KNL1: variants seen among roughly 807,000 people sequenced by gnomAD.
KNL1 encodes outer kinetochore KNL1 complex subunit KNL1.
Under a neutral mutation model 201.3 loss-of-function variants are expected in KNL1, and 66 were observed. The ratio of observed to expected loss-of-function variants is 0.33; its 90% CI spans 0.27 to 0.40. The LOEUF (loss-of-function observed/expected upper bound fraction) is 0.40, where lower values mean the gene tolerates loss of function less well. Among genes scored for constraint, KNL1 ranks in the 10% least tolerant of loss-of-function variants. The pLI is 1.00. For missense variants in KNL1, 2,815 were observed against 2,690.5 expected (o/e 1.05, Z -1.02); for synonymous variants, 895 against 899.2 (o/e 1.00, Z 0.08).
chr15:40,611,679 GT>G (rs1441186248), intron 7 of KNL1, among the ~76,000 whole-genome samples, 168 bp downstream of exon 7: 15 of 151,704 alleles, frequency 9.9e-5, no homozygotes, highest in Admixed American at 1.3e-4. Flanking sequence ...ACTGTTTATA[GT>G]TTTAATAGTG....
chr15:40,656,544 A>G (rs553296099), intron 22 of KNL1, among the ~76,000 whole-genome samples: 2 of 152,308 alleles, frequency 1.3e-5, no homozygotes, highest in South Asian at 4.1e-4. Context: ...TTTTGTAGAA[A>G]TGTCCTATCT....
At chr15:40,610,650 A>G in intron 6 of KNL1, 1 of 428,564 alleles carries the variant, frequency 2.3e-6, no homozygotes, top group South Asian at 1.8e-5. Flanking sequence ...TGATTGCACC[A>G]GTGCACTCCA....
chr15:40,630,783 T>C (rs2141733750), intron 13 of KNL1, among the ~76,000 whole-genome samples: 1 of 152,064 alleles, frequency 6.6e-6, no homozygotes, highest in East Asian at 1.9e-4. Context: ...TTATGATGAG[T>C]TGTATAATTA....
chr15:40,628,762 G>A, intron 12 of KNL1, 84 bp downstream of exon 12: 1 of 865,634 alleles, frequency 1.2e-6, no homozygotes, highest in South Asian at 2.0e-5. Context: ...AATATTCTTG[G>A]TTTAAAAAAT....
At position 40,622,865 on chromosome 15, in the gene KNL1, C is replaced by T. The variant is rs762041719; in HGVS notation, c.2601C>T (p.Asp867=). ...ATAAGACTATTGTATTTTCAGAAGA[C>T]GATAAGAATGATATGGATATCACTA... is the stretch of plus-strand genomic sequence containing the variant. The part of the protein sequence containing the change: ...KIDKTIVFSE[D]DKNDMDITKS... The change falls in exon 10 of 26, where the codon GAC becomes GAT. Residue 867 remains aspartate (D), a synonymous_variant. Transcript: ENST00000399668. 2.0e-5 allele frequency: 33 copies of T among 1,612,838 alleles called. No individual in the cohort carries two copies. Among genetic ancestry groups the T allele is most frequent in the South Asian group, 1.3e-4 (12 of 91,044 alleles).
intron 1 of KNL1, among the ~76,000 whole-genome samples, chr15:40,597,215 G>C (rs78044467): frequency 0.012 from 1,774 of 152,046 alleles, 77 homozygotes; most frequent in East Asian, 0.12. Flanking sequence ...CAGCACCCTT[G>C]GGTGCCAGGT....
chr15:40,622,319 T>C lies in KNL1; in HGVS notation c.2055T>C (p.Asn685=), dbSNP rs201936443. The C allele has an allele frequency of 1.2e-6, 2 of 1,613,726 alleles. No homozygotes were observed. Among genetic ancestry groups the C allele is most frequent in the East Asian group, 2.2e-5 (1 of 44,868 alleles). ...CGGVLDKQIT[N]RNTVSWEQSL... is the part of the protein sequence containing the mutation. ...GAGTTCTTGATAAACAAATAACTAA[T>C]AGAAATACAGTATCATGGGAACAAT... Residue 685 remains asparagine (N), a synonymous_variant, in exon 10 of 26, where the codon AAT becomes AAC. Coordinates refer to ENST00000399668, the MANE Select transcript of KNL1 (RefSeq NM_144508.5).
At chr15:40,618,698 A>C (rs558382227) in intron 8 of KNL1, among the ~76,000 whole-genome samples, 30 of 152,280 alleles carry the variant, frequency 2.0e-4, no homozygotes, top group Admixed American at 1.8e-3. Flanking sequence ...TAAATGTTTG[A>C]GGTGGTGGAT....
At chr15:40,661,273 A>G (rs981512307) in intron 25 of KNL1, among the ~76,000 whole-genome samples, 2 of 152,024 alleles carry the variant, frequency 1.3e-5, no homozygotes, top group East Asian at 3.9e-4. Flanking sequence ...TGGGTGGATC[A>G]TGAGGTCAGG....
At chr15:40,639,517 G>A (rs1893157237) in intron 13 of KNL1, among the ~76,000 whole-genome samples, 1 of 150,124 alleles carries the variant, frequency 6.7e-6, no homozygotes, top group Admixed American at 6.6e-5. Context: ...GCCACGAGGT[G>A]GAGGTTGCAA....
Position 40,622,583 on chromosome 15 carries a change from A to G in KNL1, c.2319A>G (p.Gly773=). Residue 773 remains glycine (G), a synonymous_variant, in exon 10 of 26, where the codon GGA becomes GGG. Coordinates refer to ENST00000399668, the MANE Select transcript of KNL1 (RefSeq NM_144508.5). ...CAAAGAGCCACACTGTCGTCATTGG[A>G]TTTGGTCCTTCTGAACTACAAGAAC... ...DLTKSHTVVI[G]FGPSELQELG... 3 of 1,611,542 alleles carry G rather than the reference A, an allele frequency of 1.9e-6. No homozygotes were observed. Among genetic ancestry groups the G allele is most frequent in the South Asian group, 1.1e-5 (1 of 90,740 alleles).
intron 4 of KNL1, among the ~76,000 whole-genome samples, chr15:40,607,011 TG>T (rs1383620529): frequency 6.6e-6 from 1 of 152,188 alleles, no homozygotes; most frequent in East Asian, 1.9e-4. Flanking sequence ...CCACCCACCT[TG>T]GTCTTCCAAA....
chr15:40,623,179 G>C lies in KNL1; in HGVS notation c.2915G>C (p.Arg972Thr). 1.2e-6 allele frequency: 2 copies of C among 1,613,952 alleles called. No individual in the cohort carries two copies. The highest frequency in any genetic ancestry group is 1.7e-6 in the Non-Finnish European group (2 of 1,179,900). Residue 972 changes from arginine (R) to threonine (T), a missense_variant, in exon 10 of 26, where the codon AGA becomes ACA. By Grantham distance (71) the Arg-to-Thr change is moderately conservative. This residue lies in a region of KNL1 where 2,464 missense variants were observed against 2,291.7 expected (regional missense o/e 1.08). Coordinates refer to ENST00000399668, the MANE Select transcript of KNL1 (RefSeq NM_144508.5). ...TACCAAGAAAAGGAAAGAACAGACA[G>C]ACCTAACTTTGAACTATCCCAAAGG... ...IDYQEKERTD[R>T]PNFELSQRKS...
At chr15:40,616,993 G>T (rs1353421053) in intron 8 of KNL1, among the ~76,000 whole-genome samples, 1 of 152,088 alleles carries the variant, frequency 6.6e-6, no homozygotes, top group Non-Finnish European at 1.5e-5. Context: ...CTGTCACCCA[G>T]GCTGAAGTGA....
intron 19 of KNL1, 84 bp from the exon 20 acceptor site, chr15:40,651,387 C>T: frequency 1.3e-6 from 1 of 777,446 alleles, no homozygotes; most frequent in South Asian, 2.0e-5. Context: ...TAGCATGTGA[C>T]TTCTTATCAT....
At chr15:40,636,751 A>C (rs1893066364) in intron 13 of KNL1, among the ~76,000 whole-genome samples, 1 of 152,142 alleles carries the variant, frequency 6.6e-6, no homozygotes, top group South Asian at 2.1e-4. Context: ...GAATCACTTG[A>C]ACCCGGGAGA....
At position 40,664,106 on chromosome 15, in the gene KNL1, A is replaced by AT. The variant is rs1201997396; in HGVS notation, c.*1922dup. ...TTTTCTGTAAGTCTGAAAAGTAGAG[A>AT]TTTTGTTTTACGCATTTTAGTAACC... On this transcript the variant is annotated 3_prime_UTR_variant, in exon 26 of 26. Transcript: ENST00000399668. 1.1e-5 allele frequency: 2 copies of AT among 184,396 alleles called. No homozygotes were observed. Among genetic ancestry groups the AT allele is most frequent in the African/African-American group, 4.7e-5 (2 of 42,620 alleles). The allele number at this position is 184,396 out of a possible 1,614,324, so 11.4% of individuals were successfully genotyped here.
At chr15:40,659,894 A>ATGTGTG (rs776409302) in intron 25 of KNL1, among the ~76,000 whole-genome samples, 11,776 of 146,832 alleles carry the variant, frequency 0.08, 555 homozygotes, top group Middle Eastern at 0.19. Context: ...TGAAGAATTT[A>ATGTGTG]TGTGTGTGTG....
chr15:40,614,652 C>G (rs1000043102), intron 7 of KNL1, among the ~76,000 whole-genome samples: 1 of 152,004 alleles, frequency 6.6e-6, no homozygotes, highest in African/African-American at 2.4e-5. Context: ...TTTTTTTAAA[C>G]AAGACAAAAA....
Sources: gnomAD v4.1 joint callset for allele counts (sites outside exome capture counted in the v4.1 genomes callset) on GRCh38, gnomAD v4.1.1 for gene constraint, gnomAD v4.1.1 regional missense constraint, MANE v1.5 for transcripts, NCBI Gene and HGNC (gene_info 2026-07-23, HGNC 2026-07-21) for gene names.